ST3GAL3: variants seen among roughly 807,000 people sequenced by gnomAD.
The protein encoded by ST3GAL3 is ST3 beta-galactoside alpha-2,3-sialyltransferase 3.
ST3GAL3 carries 21 observed loss-of-function variants against 50.1 expected under a neutral mutation model. The observed-to-expected ratio is 0.42, with a 90% CI of 0.30 to 0.60. ST3GAL3 has a LOEUF of 0.60. Among genes scored for constraint, ST3GAL3 ranks in the 20% least tolerant of loss-of-function variants. The pLI is 0.19. For missense variants in ST3GAL3, 353 were observed against 489.4 expected (o/e 0.72, Z 2.63); for synonymous variants, 183 against 190.0 (o/e 0.96, Z 0.30).
intron 2 of ST3GAL3, among the ~76,000 whole-genome samples, chr1:43,770,446 G>A (rs1390346080): frequency 6.6e-6 from 1 of 152,082 alleles, no homozygotes; most frequent in Non-Finnish European, 1.5e-5. Flanking sequence ...TGGGACTAGT[G>A]ACAAAAACAG....
intron 2 of ST3GAL3, among the ~76,000 whole-genome samples, chr1:43,779,945 T>C (rs1486670435): frequency 6.6e-6 from 1 of 152,228 alleles, no homozygotes; most frequent in Admixed American, 6.5e-5. Flanking sequence ...AGAACTCTCT[T>C]TGGGAGCCTC....
intron 3 of ST3GAL3, among the ~76,000 whole-genome samples, chr1:43,810,140 G>A (rs2060384359): frequency 6.6e-6 from 1 of 152,098 alleles, no homozygotes; most frequent in Non-Finnish European, 1.5e-5. Context: ...AAAAGAAAGA[G>A]GAGGGCAGAA....
At chr1:43,809,320 T>G (rs769503955) in intron 3 of ST3GAL3, among the ~76,000 whole-genome samples, 2 of 151,426 alleles carry the variant, frequency 1.3e-5, no homozygotes, top group Non-Finnish European at 2.9e-5. Context: ...AGATGAAAAA[T>G]GTACTGGATG....
At chr1:43,827,504 G>A (rs1288293973) in intron 4 of ST3GAL3, among the ~76,000 whole-genome samples, 1 of 151,938 alleles carries the variant, frequency 6.6e-6, no homozygotes, top group Non-Finnish European at 1.5e-5. Flanking sequence ...CTCAGTATTG[G>A]GTTTTGGGGG....
intron 2 of ST3GAL3, among the ~76,000 whole-genome samples, chr1:43,743,934 T>C (rs747468308): frequency 1.3e-5 from 2 of 148,572 alleles, no homozygotes; most frequent in Middle Eastern, 3.5e-3. Flanking sequence ...TGGCCAATGG[T>C]ATGTTTTGAT....
chr1:43,772,606 C>T (rs1695700035), intron 2 of ST3GAL3: 1 of 152,114 alleles, frequency 6.6e-6, no homozygotes, highest in South Asian at 2.1e-4. Flanking sequence ...TCACTGCAGC[C>T]TCAAACTCCT....
chr1:43,908,975 A>C (rs1005649985), intron 9 of ST3GAL3, among the ~76,000 whole-genome samples: 2 of 152,148 alleles, frequency 1.3e-5, no homozygotes, highest in African/African-American at 2.4e-5. Context: ...CACTCTGGCT[A>C]TATGGACCTA....
intron 3 of ST3GAL3, chr1:43,801,328 A>G (rs764404041): frequency 1.8e-5 from 8 of 456,190 alleles, no homozygotes; most frequent in South Asian, 4.6e-5. Context: ...TTACAATGAA[A>G]AAAGGAAGTG....
chr1:43,845,170 A>G (rs554773572), intron 5 of ST3GAL3, among the ~76,000 whole-genome samples: 6 of 151,958 alleles, frequency 3.9e-5, no homozygotes, highest in African/African-American at 1.5e-4. Flanking sequence ...TTTAGTAGAG[A>G]TGGTGTTTCG....
intron 2 of ST3GAL3, among the ~76,000 whole-genome samples, chr1:43,754,843 G>A (rs966104224): frequency 3.3e-5 from 5 of 151,906 alleles, no homozygotes; most frequent in South Asian, 2.1e-4. Flanking sequence ...CCAGCTACTC[G>A]GGAAGCTGAG....
intron 3 of ST3GAL3, among the ~76,000 whole-genome samples, chr1:43,794,011 G>A (rs1384265045): frequency 6.6e-6 from 1 of 151,082 alleles, no homozygotes; most frequent in Non-Finnish European, 1.5e-5. Context: ...TTGAGCCCAG[G>A]AGTTAGAGGC....
chr1:43,710,227 G>A (rs1425108000), intron 1 of ST3GAL3, among the ~76,000 whole-genome samples: 3 of 152,108 alleles, frequency 2.0e-5, no homozygotes, highest in Non-Finnish European at 2.9e-5. Flanking sequence ...GACGACAGGC[G>A]TGTGCCACCA....
intron 5 of ST3GAL3, among the ~76,000 whole-genome samples, chr1:43,847,284 A>G (rs371935952): frequency 2.6e-5 from 4 of 152,340 alleles, no homozygotes; most frequent in African/African-American, 9.6e-5. Context: ...TGATCCAGCA[A>G]TTCCACTTCT....
chr1:43,712,653 GAGTACTGGTTTTCT>G (rs541455486), intron 1 of ST3GAL3, among the ~76,000 whole-genome samples: 115 of 152,348 alleles, frequency 7.5e-4, no homozygotes, highest in African/African-American at 2.7e-3. Context: ...TGGGGAATAT[GAGTACTGGTTTTCT>G]AGGGAAGTTC....
intron 5 of ST3GAL3, among the ~76,000 whole-genome samples, chr1:43,847,504 CATT>C (rs1558560235): frequency 6.6e-6 from 1 of 152,108 alleles, no homozygotes; most frequent in Non-Finnish European, 1.5e-5. Flanking sequence ...ACCTCGAGGA[CATT>C]ATGCTAAATG....
intron 3 of ST3GAL3, among the ~76,000 whole-genome samples, chr1:43,810,610 T>G (rs759762338): frequency 1.2e-4 from 18 of 152,292 alleles, no homozygotes; most frequent in Non-Finnish European, 1.8e-4. Flanking sequence ...TAATGCTCCT[T>G]GTAACCATGT....
chr1:43,893,559 C>G (rs957675636), intron 5 of ST3GAL3, among the ~76,000 whole-genome samples: 1 of 152,132 alleles, frequency 6.6e-6, no homozygotes, highest in African/African-American at 2.4e-5. Flanking sequence ...ACTTCGTCTC[C>G]TCCTCCCCAA....
At chr1:43,808,340 G>A (rs1414652222) in intron 3 of ST3GAL3, among the ~76,000 whole-genome samples, 4 of 151,194 alleles carry the variant, frequency 2.6e-5, no homozygotes, top group African/African-American at 9.7e-5. Context: ...CAGGAGAGAA[G>A]GCTGAGCAGG....
rs529721338 is a variant in ST3GAL3, at chr1:43,730,282, G to T, written c.-30-5951G>T. 4.1e-4 allele frequency among the ~76,000 whole-genome samples: 62 copies of T among 152,290 alleles called. 1 individual carries two copies. In the South Asian group the frequency reaches 0.012, roughly 28 times the overall value. On this transcript the variant is annotated intron_variant, in intron 1 of 11. Transcript: ENST00000347631. ...TTGACTCACTGACTGTTGTGTGTCT[G>T]CCAGAGCCTTGGGCTGTGGTCACTG... is the stretch of plus-strand genomic sequence containing the variant.
Sources: allele counts gnomAD v4.1 joint callset (sites outside exome capture counted in the v4.1 genomes callset), GRCh38; gene constraint gnomAD v4.1.1; transcripts MANE v1.5; gene names NCBI Gene and HGNC (gene_info 2026-07-23, HGNC 2026-07-21).